The following LUZP2 variants were observed in gnomAD, a reference collection of about 807,000 sequenced individuals.
LUZP2 encodes the protein leucine zipper protein 2.
A neutral mutation model predicts 51.6 loss-of-function variants in LUZP2; 52 were observed. That is an observed-to-expected ratio of 1.01 (90% CI 0.81 to 1.27). The LOEUF is 1.27. Among genes scored for constraint, LUZP2 ranks in the 50% most tolerant of loss-of-function variants. The pLI is 0.00. For missense variants in LUZP2, 436 were observed against 395.4 expected, an observed-to-expected ratio of 1.10 and a Z score of -0.87; for synonymous variants, 154 against 137.3, an observed-to-expected ratio of 1.12 and a Z score of -0.85.
intron 4 of LUZP2, among the ~76,000 whole-genome samples, chr11:24,743,351 A>G (rs960940573): frequency 2.0e-5 from 3 of 151,992 alleles, no homozygotes; most frequent in African/African-American, 7.2e-5. Flanking sequence ...TGTTTGTGTC[A>G]TCTGTGATTT....
chr11:24,703,342 C>G (rs4359207), intron 1 of LUZP2, among the ~76,000 whole-genome samples: 1 of 152,014 alleles, frequency 6.6e-6, no homozygotes, highest in South Asian at 2.1e-4. Context: ...TAGACTCTTA[C>G]TTCTGAAGGT....
At chr11:24,651,176 T>C (rs957656023) in intron 1 of LUZP2, among the ~76,000 whole-genome samples, 21 of 152,142 alleles carry the variant, frequency 1.4e-4, no homozygotes, top group African/African-American at 4.6e-4. Context: ...ATTACTCAGC[T>C]GATACTAACC....
chr11:24,699,227 C>T (rs34331868), intron 1 of LUZP2, among the ~76,000 whole-genome samples: 2 of 151,966 alleles, frequency 1.3e-5, no homozygotes, highest in Non-Finnish European at 2.9e-5. Flanking sequence ...AACCTTTCTT[C>T]CACCCACGCT....
intron 5 of LUZP2, among the ~76,000 whole-genome samples, chr11:24,820,001 C>A (rs1400777565): frequency 6.6e-6 from 1 of 151,986 alleles, no homozygotes; most frequent in East Asian, 1.9e-4. Flanking sequence ...GGAGTCATGG[C>A]AGTTGAGAGT....
chr11:24,937,692 G>A (rs1231727123), intron 7 of LUZP2, among the ~76,000 whole-genome samples: 2 of 151,986 alleles, frequency 1.3e-5, no homozygotes, highest in Non-Finnish European at 2.9e-5. Flanking sequence ...ATGAGGTCAG[G>A]AGATCAAGAC....
intron 5 of LUZP2, among the ~76,000 whole-genome samples, chr11:24,865,478 G>T (rs1227799175): frequency 6.6e-6 from 1 of 152,068 alleles, no homozygotes; most frequent in African/African-American, 2.4e-5. Context: ...CAAGTTTTTT[G>T]CTGCTTCTTT....
chr11:24,525,022 C>A (rs78537884), intron 1 of LUZP2, among the ~76,000 whole-genome samples: 1 of 151,530 alleles, frequency 6.6e-6, no homozygotes, highest in African/African-American at 2.4e-5. Flanking sequence ...AACATATTTG[C>A]CACTAATGGA....
intron 1 of LUZP2, among the ~76,000 whole-genome samples, chr11:24,504,365 C>T (rs1233420165): frequency 6.6e-6 from 1 of 152,128 alleles, no homozygotes; most frequent in Admixed American, 6.6e-5. Context: ...ACACTGTCGT[C>T]ACAGTTTGTG....
intron 1 of LUZP2, among the ~76,000 whole-genome samples, chr11:24,711,020 T>A (rs931168896): frequency 2.6e-5 from 4 of 151,890 alleles, no homozygotes; most frequent in Admixed American, 2.6e-4. Context: ...AAGAAAACAC[T>A]GATATGCTTA....
chr11:24,826,185 A>AT (rs1404557285), intron 5 of LUZP2, among the ~76,000 whole-genome samples: 23 of 71,640 alleles, frequency 3.2e-4, no homozygotes, highest in South Asian at 5.0e-4. Flanking sequence ...CAAAAAAAAA[A>AT]AAAAAATATA....
chr11:24,646,364 C>T lies in LUZP2; in HGVS notation c.63-82805C>T, dbSNP rs193091393. The stretch of plus-strand genomic sequence containing the variant: ...AATTTAATATCAAAGAAATTCCAGA[C>T]AACAACGTTTAACACGTATGGTTTA... On this transcript the variant is annotated intron_variant, in intron 1 of 11. Transcript: ENST00000336930. Among the ~76,000 whole-genome samples, 705 of 152,164 alleles carry T rather than the reference C, an allele frequency of 4.6e-3. 23 individuals carry two copies. Among genetic ancestry groups the T allele is most frequent in the Admixed American group, 0.044 (667 of 15,244 alleles).
intron 7 of LUZP2, among the ~76,000 whole-genome samples, chr11:24,961,885 C>A (rs1417097344): frequency 3.4e-5 from 5 of 148,682 alleles, no homozygotes; most frequent in African/African-American, 1.2e-4. Context: ...GTGGCTGGTA[C>A]CGGTTGTTCC....
chr11:24,907,427 A>G (rs1376733942), intron 6 of LUZP2, among the ~76,000 whole-genome samples: 1 of 151,864 alleles, frequency 6.6e-6, no homozygotes, highest in Non-Finnish European at 1.5e-5. Context: ...AAACTAAAAG[A>G]TGATGTTCCA....
At chr11:24,606,395 G>A (rs1335730031) in intron 1 of LUZP2, among the ~76,000 whole-genome samples, 2 of 151,978 alleles carry the variant, frequency 1.3e-5, no homozygotes, top group African/African-American at 4.8e-5. Flanking sequence ...AAGCTATGAA[G>A]TTTTGTAAAA....
intron 5 of LUZP2, among the ~76,000 whole-genome samples, chr11:24,777,087 C>T (rs556446551): frequency 1.3e-4 from 19 of 150,502 alleles, no homozygotes; most frequent in South Asian, 4.2e-4. Context: ...CTCAGCCTCC[C>T]GGGTTCATGC....
At chr11:25,039,461 C>A (rs1857970577) in intron 9 of LUZP2, among the ~76,000 whole-genome samples, 1 of 152,118 alleles carries the variant, frequency 6.6e-6, no homozygotes, top group Non-Finnish European at 1.5e-5. Flanking sequence ...GGGAATCAGG[C>A]AGTGTTTTAT....
intron 5 of LUZP2, among the ~76,000 whole-genome samples, chr11:24,797,036 C>T (rs1056679032): frequency 6.6e-6 from 1 of 152,040 alleles, no homozygotes; most frequent in Non-Finnish European, 1.5e-5. Flanking sequence ...AGCTGCGTGA[C>T]CTTGTGCAAG....
intron 9 of LUZP2, among the ~76,000 whole-genome samples, chr11:24,989,099 G>A (rs1242776718): frequency 1.5e-4 from 1 of 6,836 alleles, no homozygotes; most frequent in Non-Finnish European, 3.9e-4. Flanking sequence ...TTCCTGTGCA[G>A]TTAAAAAAAA....
chr11:25,028,386 A>G (rs1857556876), intron 9 of LUZP2, among the ~76,000 whole-genome samples: 1 of 152,142 alleles, frequency 6.6e-6, no homozygotes, highest in Non-Finnish European at 1.5e-5. Context: ...TATGGGAACC[A>G]TCATTCTGAG....
Sources: allele counts gnomAD v4.1 joint callset (sites outside exome capture counted in the v4.1 genomes callset), GRCh38; gene constraint gnomAD v4.1.1; transcripts MANE v1.5; gene names NCBI Gene and HGNC (gene_info 2026-07-23, HGNC 2026-07-21).